DLG2: variants seen among roughly 807,000 people sequenced by gnomAD.
The protein encoded by DLG2 is discs large MAGUK scaffold protein 2, also known as disks large homolog 2.
DLG2 carries 45 observed loss-of-function variants against 132.5 expected under a neutral mutation model. That is an observed-to-expected ratio of 0.34 (90% CI 0.27 to 0.44). The LOEUF (loss-of-function observed/expected upper bound fraction) is 0.44, where lower values mean the gene tolerates loss of function less well. DLG2 is among the 20% of genes least tolerant of loss of function. The pLI is 1.00. For missense variants in DLG2, 1,045 were observed against 1,196.9 expected (o/e 0.87, Z 1.87); for synonymous variants, 424 against 419.6 (o/e 1.01, Z -0.13).
intron 6 of DLG2, among the ~76,000 whole-genome samples, chr11:84,980,104 T>C (rs1364061469): frequency 6.6e-6 from 1 of 152,200 alleles, no homozygotes; most frequent in Non-Finnish European, 1.5e-5. Context: ...TCTAAATATT[T>C]AACTAAATAG....
intron 7 of DLG2, among the ~76,000 whole-genome samples, chr11:84,444,128 G>A (rs1223452928): frequency 6.6e-6 from 1 of 151,840 alleles, no homozygotes; most frequent in Non-Finnish European, 1.5e-5. Flanking sequence ...ACCCAACACT[G>A]CATGTTCTCA....
intron 17 of DLG2, among the ~76,000 whole-genome samples, chr11:83,825,538 G>A (rs2052472433): frequency 6.6e-6 from 1 of 151,946 alleles, no homozygotes; most frequent in Non-Finnish European, 1.5e-5. Context: ...CAGACAATGG[G>A]GATGCTGTTT....
intron 11 of DLG2, among the ~76,000 whole-genome samples, chr11:84,017,724 A>C (rs1483185277): frequency 6.6e-6 from 1 of 152,080 alleles, no homozygotes. Context: ...ATATTCACTC[A>C]GTGGTCTCTA....
chr11:84,428,773 G>A (rs1318823507), intron 7 of DLG2, among the ~76,000 whole-genome samples: 1 of 152,202 alleles, frequency 6.6e-6, no homozygotes, highest in Non-Finnish European at 1.5e-5. Flanking sequence ...TAGCAGGTGG[G>A]ATGGAGATTC....
chr11:84,853,285 GT>G (rs2082371671), intron 6 of DLG2, among the ~76,000 whole-genome samples: 1 of 151,950 alleles, frequency 6.6e-6, no homozygotes, highest in Admixed American at 6.6e-5. Context: ...ACGTGACCCA[GT>G]GAACATCAGG....
chr11:83,963,837 C>T (rs1040080092), intron 13 of DLG2, among the ~76,000 whole-genome samples: 2 of 151,984 alleles, frequency 1.3e-5, no homozygotes, highest in Admixed American at 1.3e-4. Context: ...GCCTCTCCTA[C>T]CTAACCCATC....
intron 4 of DLG2, among the ~76,000 whole-genome samples, chr11:85,210,109 ATTAT>A (rs765147448): frequency 6.6e-6 from 1 of 152,130 alleles, no homozygotes; most frequent in Non-Finnish European, 1.5e-5. Context: ...AATCTAATTA[ATTAT>A]TTATCTTGTT....
At chr11:84,820,592 G>C (rs774941866) in intron 6 of DLG2, among the ~76,000 whole-genome samples, 1 of 151,794 alleles carries the variant, frequency 6.6e-6, no homozygotes, top group Non-Finnish European at 1.5e-5. Flanking sequence ...CAGCCATATA[G>C]TCTTCCTTGA....
At chr11:83,549,706 T>A (rs185507328) in intron 19 of DLG2, among the ~76,000 whole-genome samples, 38 of 152,282 alleles carry the variant, frequency 2.5e-4, no homozygotes, top group Admixed American at 1.4e-3. Context: ...AAATCACAAT[T>A]TTCTATTTGT....
intron 9 of DLG2, among the ~76,000 whole-genome samples, chr11:84,157,360 C>A (rs1480506658): frequency 2.6e-5 from 4 of 152,114 alleles, no homozygotes; most frequent in Non-Finnish European, 5.9e-5. Flanking sequence ...TAGCATGTTA[C>A]TTTTCCATGG....
At chr11:83,616,938 T>C (rs2060910979) in intron 19 of DLG2, among the ~76,000 whole-genome samples, 1 of 152,184 alleles carries the variant, frequency 6.6e-6, no homozygotes, top group Non-Finnish European at 1.5e-5. Flanking sequence ...ACTTTTGTCA[T>C]AAAATCAAGA....
intron 6 of DLG2, among the ~76,000 whole-genome samples, chr11:84,935,168 G>A (rs2048593848): frequency 6.6e-6 from 1 of 152,202 alleles, no homozygotes; most frequent in African/African-American, 2.4e-5. Context: ...TTTGCAGAAT[G>A]TGTAATGTTT....
At position 84,337,150 on chromosome 11, in the gene DLG2, T is replaced by C. The variant is rs149902956; in HGVS notation, c.520-85859A>G. 8.5e-3 allele frequency among the ~76,000 whole-genome samples: 1,297 copies of C among 152,260 alleles called. 19 individuals carry two copies. Among genetic ancestry groups the C allele is most frequent in the African/African-American group, 0.03 (1,241 of 41,536 alleles). On this transcript the variant is annotated intron_variant, in intron 7 of 27. Coordinates refer to ENST00000376104, the MANE Select transcript of DLG2 (RefSeq NM_001142699.3). The stretch of plus-strand genomic sequence containing the variant: ...CTACAAGCTTCAGTTTTTTAATGTA[T>C]AAAATTACGTTATGGGCTACGGGTA...
At chr11:83,697,588 G>A (rs1001795986) in intron 18 of DLG2, among the ~76,000 whole-genome samples, 6 of 152,128 alleles carry the variant, frequency 3.9e-5, no homozygotes, top group Non-Finnish European at 8.8e-5. Context: ...ATAACAAGCT[G>A]ATCTGTTTCT....
intron 6 of DLG2, among the ~76,000 whole-genome samples, chr11:84,684,691 A>G (rs1168446588): frequency 6.6e-6 from 1 of 152,208 alleles, no homozygotes; most frequent in Non-Finnish European, 1.5e-5. Flanking sequence ...TAAAGTGGGA[A>G]TAACAATACC....
intron 6 of DLG2, among the ~76,000 whole-genome samples, chr11:84,865,449 A>G (rs1260149323): frequency 1.3e-5 from 2 of 152,180 alleles, no homozygotes; most frequent in African/African-American, 4.8e-5. Flanking sequence ...CATTTCTGCT[A>G]TATTTATCTT....
chr11:84,131,407 T>C (rs1414661538), intron 9 of DLG2, among the ~76,000 whole-genome samples: 2 of 152,050 alleles, frequency 1.3e-5, no homozygotes, highest in African/African-American at 2.4e-5. Flanking sequence ...TATATATACA[T>C]ACATATACAT....
chr11:84,045,809 T>A (rs1000796297), intron 11 of DLG2, among the ~76,000 whole-genome samples: 2 of 151,572 alleles, frequency 1.3e-5, no homozygotes, highest in Admixed American at 1.3e-4. Flanking sequence ...GAATGGTTAA[T>A]GAACTGGGGG....
chr11:85,376,835 T>C (rs1435048714), intron 3 of DLG2, among the ~76,000 whole-genome samples: 1 of 152,126 alleles, frequency 6.6e-6, no homozygotes, highest in Non-Finnish European at 1.5e-5. Context: ...ACTACTAGTC[T>C]TTGCATCCCC....
Sources: allele counts gnomAD v4.1 joint callset (sites outside exome capture counted in the v4.1 genomes callset), GRCh38; gene constraint gnomAD v4.1.1; transcripts MANE v1.5; gene names NCBI Gene and HGNC (gene_info 2026-07-23, HGNC 2026-07-21).